DLG2: variants seen among roughly 807,000 people sequenced by gnomAD.
DLG2 encodes discs large MAGUK scaffold protein 2, also known as disks large homolog 2.
In DLG2, 45 loss-of-function variants were observed where a neutral mutation model predicts 132.5. The ratio of observed to expected loss-of-function variants is 0.34; its 90% confidence interval spans 0.27 to 0.44. The LOEUF is 0.44. Among genes scored for constraint, DLG2 ranks in the 20% least tolerant of loss-of-function variants. The pLI is 1.00. For missense variants in DLG2, 1,045 were observed against 1,196.9 expected (o/e 0.87, Z 1.87); for synonymous variants, 424 against 419.6 (o/e 1.01, Z -0.13).
At chr11:84,947,844 G>A (rs2050414957) in intron 6 of DLG2, among the ~76,000 whole-genome samples, 1 of 152,098 alleles carries the variant, frequency 6.6e-6, no homozygotes, top group Non-Finnish European at 1.5e-5. Context: ...AGTGTCCTTG[G>A]TTGAACAATA....
intron 6 of DLG2, among the ~76,000 whole-genome samples, chr11:84,839,251 A>G (rs1280962783): frequency 3.3e-5 from 5 of 152,136 alleles, no homozygotes; most frequent in African/African-American, 9.7e-5. Flanking sequence ...CAATTGCTGC[A>G]AAGAGAATAA....
chr11:85,135,963 G>C (rs1237885421), intron 5 of DLG2, among the ~76,000 whole-genome samples: 4 of 152,122 alleles, frequency 2.6e-5, no homozygotes, highest in African/African-American at 7.2e-5. Context: ...TTCTGGAGAG[G>C]GGCCTTGAGC....
At chr11:84,198,752 A>G (rs1817430309) in intron 8 of DLG2, among the ~76,000 whole-genome samples, 1 of 152,200 alleles carries the variant, frequency 6.6e-6, no homozygotes, top group African/African-American at 2.4e-5. Context: ...AGTCAAATAG[A>G]AAAATTCTGC....
At chr11:85,066,874 A>G (rs1268756509) in intron 6 of DLG2, among the ~76,000 whole-genome samples, 1 of 151,786 alleles carries the variant, frequency 6.6e-6, no homozygotes, top group African/African-American at 2.4e-5. Flanking sequence ...CTGGAACAAA[A>G]CAAGGATGCT....
intron 7 of DLG2, among the ~76,000 whole-genome samples, chr11:84,286,856 G>T (rs913342784): frequency 1.3e-4 from 20 of 152,150 alleles, no homozygotes; most frequent in African/African-American, 3.9e-4. Context: ...GGCTGGGGTT[G>T]ACGCCTAAGC....
intron 6 of DLG2, among the ~76,000 whole-genome samples, chr11:85,008,589 A>C (rs573881555): frequency 6.6e-6 from 1 of 152,260 alleles, no homozygotes; most frequent in African/African-American, 2.4e-5. Flanking sequence ...AAAGTGCACA[A>C]AAATTTTAAG....
intron 3 of DLG2, among the ~76,000 whole-genome samples, chr11:85,547,604 G>C (rs188185387): frequency 7.0e-4 from 107 of 152,192 alleles, no homozygotes; most frequent in African/African-American, 2.5e-3. Flanking sequence ...CATTCTCCTT[G>C]TCACTTTCCG....
intron 9 of DLG2, among the ~76,000 whole-genome samples, chr11:84,100,390 C>T (rs1286946651): frequency 6.7e-6 from 1 of 150,154 alleles, no homozygotes; most frequent in Non-Finnish European, 1.5e-5. Context: ...CCCCCCAAAT[C>T]CACAAACCAT....
At chr11:83,685,919 G>A (rs1282564749) in intron 18 of DLG2, among the ~76,000 whole-genome samples, 1 of 152,100 alleles carries the variant, frequency 6.6e-6, no homozygotes, top group Non-Finnish European at 1.5e-5. Context: ...AAACCTGGGA[G>A]TCATTCTTGA....
At chr11:84,816,649 T>C (rs1216903345) in intron 6 of DLG2, among the ~76,000 whole-genome samples, 1 of 151,912 alleles carries the variant, frequency 6.6e-6, no homozygotes, top group Non-Finnish European at 1.5e-5. Context: ...TTACCCTCAC[T>C]TCACTAAGAA....
At chr11:85,515,596 T>A (rs1408325939) in intron 3 of DLG2, among the ~76,000 whole-genome samples, 1 of 152,014 alleles carries the variant, frequency 6.6e-6, no homozygotes, top group Non-Finnish European at 1.5e-5. Context: ...TATGGGTTAC[T>A]ACCATTATTA....
intron 15 of DLG2, among the ~76,000 whole-genome samples, chr11:83,918,322 T>C (rs144805705): frequency 2.2e-4 from 34 of 152,290 alleles, no homozygotes; most frequent in African/African-American, 7.5e-4. Context: ...CGGAGGTTCA[T>C]AGGTGCTCTC....
intron 6 of DLG2, among the ~76,000 whole-genome samples, chr11:84,810,260 A>C (rs1403683401): frequency 1.3e-5 from 2 of 152,100 alleles, no homozygotes; most frequent in African/African-American, 4.8e-5. Flanking sequence ...GTCAAAACTC[A>C]ACAAAGTAAA....
At chr11:85,085,378 T>C (rs996830035) in intron 6 of DLG2, among the ~76,000 whole-genome samples, 1 of 152,226 alleles carries the variant, frequency 6.6e-6, no homozygotes, top group African/African-American at 2.4e-5. Context: ...TGCTCTTTAC[T>C]CCTCTAAATA....
intron 3 of DLG2, among the ~76,000 whole-genome samples, chr11:85,429,321 A>C (rs1486124457): frequency 3.3e-5 from 5 of 152,104 alleles, no homozygotes; most frequent in Non-Finnish European, 7.4e-5. Flanking sequence ...AGACACAACA[A>C]AAAAAGAAAA....
At chr11:85,256,724 A>AG (rs1474114124) in intron 4 of DLG2, among the ~76,000 whole-genome samples, 8 of 152,094 alleles carry the variant, frequency 5.3e-5, no homozygotes, top group African/African-American at 1.7e-4. Flanking sequence ...ATGTCGTGTG[A>AG]GGGGGGGTCA....
At chr11:84,509,430 T>C (rs535805181) in intron 7 of DLG2, among the ~76,000 whole-genome samples, 1 of 152,200 alleles carries the variant, frequency 6.6e-6, no homozygotes, top group Non-Finnish European at 1.5e-5. Context: ...AAAACTACTT[T>C]TCTGGACAAG....
At chr11:84,946,632 A>C (rs1349816867) in intron 6 of DLG2, among the ~76,000 whole-genome samples, 1 of 151,980 alleles carries the variant, frequency 6.6e-6, no homozygotes. Flanking sequence ...CTCCTCAAGC[A>C]GAAGGAAGGA....
chr11:84,300,529 C>T (rs949092993), intron 7 of DLG2, among the ~76,000 whole-genome samples: 2 of 152,162 alleles, frequency 1.3e-5, no homozygotes, highest in African/African-American at 4.8e-5. Flanking sequence ...ATGGGAACTA[C>T]TTTCCTATTT....
Sources: allele counts gnomAD v4.1 joint callset (sites outside exome capture counted in the v4.1 genomes callset), GRCh38; gene constraint gnomAD v4.1.1; transcripts MANE v1.5; gene names NCBI Gene and HGNC (gene_info 2026-07-23, HGNC 2026-07-21).